Variants in SGSH observed in about 807,000 individuals in gnomAD.
SGSH encodes the protein heparan sulfate sulfatase.
SGSH carries 48 observed loss-of-function variants against 51.0 expected under a neutral mutation model. The observed-to-expected ratio is 0.94, with a 90% CI of 0.75 to 1.20. The LOEUF (loss-of-function observed/expected upper bound fraction) is 1.20. Among genes scored for constraint, SGSH ranks in the 50% most tolerant of loss-of-function variants. The pLI is 0.00. For synonymous variants in SGSH, 321 were observed against 313.4 expected, an observed-to-expected ratio of 1.02 and a Z score of -0.26; for missense variants, 662 against 717.8, an observed-to-expected ratio of 0.92 and a Z score of 0.89.
chr17:80,203,781 G>T, downstream of SGSH: 1 of 1,526,284 alleles, frequency 6.6e-7, no homozygotes, highest in South Asian at 1.2e-5. The surrounding 1 kb of genome is among the most constrained non-coding windows in gnomAD (Gnocchi z 4.6). Flanking sequence ...TGCTCACCTG[G>T]CAGGAGGCAG....
rs1347670006 is a variant in SGSH at position 80,210,588 on chromosome 17, G to C, written c.1373C>G (p.Ala458Gly). The C allele has an allele frequency of 6.2e-7, 1 of 1,613,430 alleles. No homozygotes were observed. The highest frequency in any genetic ancestry group is 8.5e-7 in the Non-Finnish European group (1 of 1,179,910). The change falls in exon 8 of 8, where the codon GCT (alanine) becomes GGT (glycine). Residue 458 changes from alanine (A) to glycine (G), a missense_variant. Ala to Gly is a moderately conservative substitution (Grantham distance 60). Transcript: ENST00000326317. ...GTCCCGAAGCATCTCCAGAAGCTGA[G>C]CAAAGCGCGGGTCGGTGGCCAGGTT... ...TQNLATDPRF[A>G]QLLEMLRDQL...
chr17:80,214,499 C>T, intron 4 of SGSH, 116 bp downstream of exon 4: 1 of 1,311,394 alleles, frequency 7.6e-7, no homozygotes, highest in Non-Finnish European at 1.1e-6. Flanking sequence ...GTACCTGGAA[C>T]CTTCTCCCCT....
downstream of SGSH, chr17:80,205,898 A>G (rs572408322): frequency 9.5e-6 from 4 of 421,550 alleles, no homozygotes; most frequent in South Asian, 2.1e-4. Context: ...GATGTTTAAT[A>G]GATATTTGTT....
chr17:80,203,622 G>A (rs2041111167), downstream of SGSH: 2 of 521,824 alleles, frequency 3.8e-6, no homozygotes, highest in Non-Finnish European at 6.8e-6. The surrounding 1 kb of genome is among the most constrained non-coding windows in gnomAD (Gnocchi z 4.6). Context: ...CGAGGCCCTG[G>A]AGTCTTTTGA....
chr17:80,204,626 GGA>G (rs2041177367), downstream of SGSH: 3 of 325,104 alleles, frequency 9.2e-6, no homozygotes, highest in South Asian at 1.9e-4. Context: ...CTCTGTCTCA[GGA>G]AAAAAAAAAA....
At chr17:80,203,523 C>T, downstream of SGSH, 1 of 347,890 alleles carries the variant, frequency 2.9e-6, no homozygotes, top group Non-Finnish European at 5.2e-6. This position sits in a 1 kb window ranked among gnomAD's most constrained non-coding sequence, Gnocchi z 4.6. Flanking sequence ...ATATTGAGGT[C>T]CTGGAGTGGG....
At chr17:80,203,350 C>T (rs1416266378), downstream of SGSH, 1 of 156,818 alleles carries the variant, frequency 6.4e-6, no homozygotes, top group Admixed American at 6.5e-5. The surrounding 1 kb of genome is among the most constrained non-coding windows in gnomAD (Gnocchi z 4.6). Context: ...ACGGAACGCA[C>T]AGTGCTAGAA....
chr17:80,202,118 C>A, downstream of SGSH: 1 of 1,463,612 alleles, frequency 6.8e-7, no homozygotes, highest in Non-Finnish European at 9.5e-7. Context: ...TAATTTTCTG[C>A]AACCTTCCTC....
chr17:80,204,293 C>T (rs775924088), downstream of SGSH: 28 of 1,599,386 alleles, frequency 1.8e-5, no homozygotes, highest in Admixed American at 4.4e-4. Context: ...GGCCAGCCCT[C>T]TGCGTTTGTC....
chr17:80,205,680 G>T, downstream of SGSH: 1 of 1,525,980 alleles, frequency 6.6e-7, no homozygotes, highest in South Asian at 1.3e-5. Flanking sequence ...GTGGGCAGGG[G>T]AGCTGTCCTG....
intron 7 of SGSH, 48 bp from the exon 8 acceptor site, chr17:80,211,059 G>A (rs1184665577): frequency 7.5e-6 from 12 of 1,595,818 alleles, no homozygotes; most frequent in South Asian, 2.2e-5. Context: ...CAGCACACAG[G>A]AGCTGCCCTC....
chr17:80,201,491 G>A, the SGSH span: 5 of 515,284 alleles, frequency 9.7e-6, no homozygotes, highest in South Asian at 1.1e-4. This position sits in a 1 kb window ranked among gnomAD's most constrained non-coding sequence, Gnocchi z 5.0. Flanking sequence ...TTATCACAAA[G>A]AACCCCCGAT....
chr17:80,205,162 C>A (rs755430374), downstream of SGSH: 1 of 1,613,736 alleles, frequency 6.2e-7, no homozygotes, highest in African/African-American at 1.3e-5. Context: ...AGATCCTGAG[C>A]GAGAAACTGT....
In SGSH at chr17:80,213,833, T is replaced by C. The variant is rs1352066127; in HGVS notation, c.716A>G (p.Gln239Arg). ...GTCCATGCGGCCGACGGTGGTGTACTGAGCGGCCAGGTCGGCTCGGGCTGC... is the reference window on the plus strand; with the variant it reads ...GTCCATGCGGCCGACGGTGGTGTACCGAGCGGCCAGGTCGGCTCGGGCTGC... The part of the protein sequence containing the change: ...TPAARADLAA[Q>R]YTTVGRMDQG... The change falls in exon 6 of 8, where the codon CAG (glutamine) becomes CGG (arginine). Residue 239 changes from glutamine to arginine, a missense_variant. Physicochemically the swap from Gln to Arg is conservative, Grantham distance 43. Coordinates refer to ENST00000326317, the MANE Select transcript of SGSH (RefSeq NM_000199.5). This position sits in a 1 kb window ranked among gnomAD's most constrained non-coding sequence, Gnocchi z 4.6. 1 of 1,608,416 alleles carries C rather than the reference T, an allele frequency of 6.2e-7. No homozygotes were observed. Among genetic ancestry groups the C allele is most frequent in the African/African-American group, 1.3e-5 (1 of 75,058 alleles).
Position 80,210,474 on chromosome 17 carries a change from T to C in SGSH, c.1487A>G (p.Gln496Arg). 6.3e-7 allele frequency: 1 copy of C among 1,599,418 alleles called. No homozygotes were observed. ...VLEEKLSPQC[Q>R]PLHNEL is the part of the protein sequence containing the mutation. ...TGGTCACAGCTCATTGTGGAGGGGC[T>C]GGCACTGGGGAGAGAGCTTCTCCTC... Residue 496 changes from glutamine (Q) to arginine (R), a missense_variant, in exon 8 of 8, where the codon CAG becomes CGG. Physicochemically the swap from Gln to Arg is conservative, Grantham distance 43 (BLOSUM62 1). Transcript: ENST00000326317.
downstream of SGSH, chr17:80,201,929 G>A: frequency 1.9e-6 from 3 of 1,538,932 alleles, no homozygotes; most frequent in Middle Eastern, 2.0e-4. The surrounding 1 kb of genome is among the most constrained non-coding windows in gnomAD (Gnocchi z 5.0). Context: ...TGACCCTTAA[G>A]TCCCTGGTGG....
At chr17:80,205,351 T>A, downstream of SGSH, 2 of 1,163,542 alleles carry the variant, frequency 1.7e-6, no homozygotes, top group Non-Finnish European at 2.4e-6. Flanking sequence ...TCCAGATAGT[T>A]CAGGATGGAG....
downstream of SGSH, chr17:80,208,444 T>C: frequency 1.7e-6 from 2 of 1,152,554 alleles, no homozygotes; most frequent in Non-Finnish European, 2.4e-6. Context: ...TGTGGGCTCC[T>C]TGGCACATGA....
intron 7 of SGSH, chr17:80,211,282 G>A (rs1212764248): frequency 6.8e-6 from 6 of 876,670 alleles, no homozygotes; most frequent in African/African-American, 5.1e-5. Flanking sequence ...TTGGTAGCTC[G>A]TGTACTCCAG....
Sources: gnomAD v4.1 joint callset for allele counts on GRCh38, gnomAD v4.1.1 for gene constraint, Gnocchi (gnomAD v3.1) non-coding constraint, MANE v1.5 for transcripts, NCBI Gene and HGNC (gene_info 2026-07-23, HGNC 2026-07-21) for gene names.